The following MED27 variants were observed in gnomAD, a reference collection of about 807,000 sequenced individuals.
MED27 encodes mediator complex subunit 27, also known as mediator of RNA polymerase II transcription subunit 27.
MED27 carries 30 observed loss-of-function variants against 38.2 expected under a neutral mutation model. The ratio of observed to expected loss-of-function variants is 0.79; its 90% CI spans 0.59 to 1.07. MED27 has a LOEUF of 1.07. MED27 is among the 50% of genes least tolerant of loss of function. The probability of loss-of-function intolerance (pLI) is 0.00; values close to 1 mark genes in which losing one functional copy is unlikely to be tolerated. For missense variants in MED27, 289 were observed against 397.5 expected (o/e 0.73, Z 2.32); for synonymous variants, 122 against 153.5 (o/e 0.79, Z 1.52).
At chr9:131,894,808 G>A (rs1309679428) in intron 4 of MED27, among the ~76,000 whole-genome samples, 1 of 152,110 alleles carries the variant, frequency 6.6e-6, no homozygotes, top group Non-Finnish European at 1.5e-5. Flanking sequence ...CCCCAATGTG[G>A]TGTTGGGAGG....
At chr9:131,871,678 T>C (rs972073667) in intron 6 of MED27, among the ~76,000 whole-genome samples, 11 of 152,072 alleles carry the variant, frequency 7.2e-5, no homozygotes, top group Non-Finnish European at 8.8e-5. Flanking sequence ...GTCTCTCAAA[T>C]AGCTGGGACT....
At chr9:132,074,996 G>A (rs975319160) in intron 2 of MED27, among the ~76,000 whole-genome samples, 1 of 152,204 alleles carries the variant, frequency 6.6e-6, no homozygotes, top group Non-Finnish European at 1.5e-5. Context: ...GATTAGTGAT[G>A]TCTGCCCTAG....
chr9:132,003,499 C>A lies in MED27; in HGVS notation c.479+10838G>T, dbSNP rs1179768687. Among the ~76,000 whole-genome samples the A allele has an allele frequency of 6.6e-6, 1 of 152,188 alleles. No homozygotes were observed. The highest frequency in any genetic ancestry group is 2.1e-4 in the South Asian group (1 of 4,826). On this transcript the variant is annotated intron_variant, in intron 3 of 7. Transcript: ENST00000292035. The surrounding 1 kb of genome is among the most constrained non-coding windows in gnomAD (Gnocchi z 4.2). ...ACTAAGGGCCACAAGGGGCACGTGA[C>A]AGTTGGGCCTGAAGGGTTGGCTAGA... is the stretch of plus-strand genomic sequence containing the variant.
intron 3 of MED27, among the ~76,000 whole-genome samples, chr9:131,995,332 G>C (rs1220010830): frequency 6.6e-6 from 1 of 151,682 alleles, no homozygotes; most frequent in Admixed American, 6.6e-5. Flanking sequence ...TGAATAAAGT[G>C]GCCACAGTGA....
intron 2 of MED27, among the ~76,000 whole-genome samples, chr9:132,029,386 A>AT (rs746604747): frequency 2.0e-5 from 3 of 152,182 alleles, no homozygotes; most frequent in African/African-American, 7.2e-5. Context: ...GATTGGCAAC[A>AT]TTTTTTTGCC....
At position 131,862,839 on chromosome 9, in the gene MED27, C is replaced by T. The variant is rs59409441; in HGVS notation, c.801+224G>A. ...TTTGGAAGATCATTTCTGAAACCAC[C>T]GCTTTTTCAGCAAGTAGAGAAAGCA... On this transcript the variant is annotated intron_variant, in intron 7 of 7. Coordinates refer to ENST00000292035, the MANE Select transcript of MED27 (RefSeq NM_004269.4). This position sits in a 1 kb window ranked among gnomAD's most constrained non-coding sequence, Gnocchi z 4.6. Among the ~76,000 whole-genome samples, 3,223 of 152,282 alleles carry T rather than the reference C, an allele frequency of 0.021. 103 individuals are homozygous for T. Among genetic ancestry groups the T allele is most frequent in the African/African-American group, 0.074 (3,073 of 41,542 alleles).
intron 2 of MED27, among the ~76,000 whole-genome samples, chr9:132,057,859 C>G (rs186269651): frequency 6.6e-6 from 1 of 152,112 alleles, no homozygotes; most frequent in Admixed American, 6.5e-5. Flanking sequence ...GAGTGGAGCC[C>G]GGTGAAATGG....
intron 4 of MED27, among the ~76,000 whole-genome samples, chr9:131,900,638 GGGGCCAGATAGCATCCCCAA>G (rs1257665933): frequency 3.3e-5 from 5 of 152,038 alleles, no homozygotes; most frequent in African/African-American, 1.2e-4. Flanking sequence ...CGAGGAACCC[GGGGCCAGATAGCATCCCCAA>G]CCTGGCAGAA....
rs560490436 is a variant in MED27 at position 131,924,970 on chromosome 9, T to C, written c.573+14411A>G. On this transcript the variant is annotated intron_variant, in intron 4 of 7. Coordinates refer to ENST00000292035, the MANE Select transcript of MED27 (RefSeq NM_004269.4). The stretch of plus-strand genomic sequence containing the variant: ...GTTTCTTTCTCTAGGTGATATTTTC[T>C]TTGCTTGTTTATTTATTTAGGTCTA... 5.9e-5 allele frequency among the ~76,000 whole-genome samples: 9 copies of C among 152,348 alleles called. No individual in the cohort carries two copies. In the South Asian group the frequency reaches 1.9e-3, roughly 32 times the overall value.
At chr9:131,907,194 G>A (rs931917677) in intron 4 of MED27, among the ~76,000 whole-genome samples, 1 of 151,764 alleles carries the variant, frequency 6.6e-6, no homozygotes, top group Non-Finnish European at 1.5e-5. Context: ...AATGCCTAAC[G>A]TGCTCTCCCT....
intron 4 of MED27, among the ~76,000 whole-genome samples, chr9:131,900,264 G>C (rs1395588250): frequency 6.6e-6 from 1 of 152,248 alleles, no homozygotes; most frequent in Non-Finnish European, 1.5e-5. Flanking sequence ...GCAGCGAGCG[G>C]GGGCCGAAAC....
At chr9:131,941,737 G>A (rs1025484396) in intron 3 of MED27, among the ~76,000 whole-genome samples, 1 of 151,106 alleles carries the variant, frequency 6.6e-6, no homozygotes, top group Non-Finnish European at 1.5e-5. Context: ...GCACCATACC[G>A]TGAGGATATG....
At chr9:132,035,276 T>C (rs756832748) in intron 2 of MED27, among the ~76,000 whole-genome samples, 41 of 152,340 alleles carry the variant, frequency 2.7e-4, no homozygotes, top group Non-Finnish European at 4.7e-4. Flanking sequence ...ATTCATTCAA[T>C]AATGAATAAT....
At chr9:131,958,940 C>T (rs1490295815) in intron 3 of MED27, among the ~76,000 whole-genome samples, 2 of 152,188 alleles carry the variant, frequency 1.3e-5, no homozygotes, top group Non-Finnish European at 2.9e-5. Context: ...CCCTTTGGCT[C>T]TTTATTTGCC....
intron 4 of MED27, among the ~76,000 whole-genome samples, chr9:131,927,945 G>T (rs1830512020): frequency 6.6e-6 from 1 of 152,090 alleles, no homozygotes; most frequent in African/African-American, 2.4e-5. Context: ...AGCCAAAATG[G>T]GATCACCAAA....
At chr9:132,029,925 C>G (rs1379732777) in intron 2 of MED27, among the ~76,000 whole-genome samples, 1 of 152,032 alleles carries the variant, frequency 6.6e-6, no homozygotes, top group African/African-American at 2.4e-5. Flanking sequence ...TCAAGGTATA[C>G]AGGCTATGGT....
chr9:131,964,567 T>C (rs1237894402), intron 3 of MED27, among the ~76,000 whole-genome samples: 1 of 152,058 alleles, frequency 6.6e-6, no homozygotes, highest in Non-Finnish European at 1.5e-5. Context: ...GGACCACAAA[T>C]ACAAAACTGG....
chr9:131,875,688 A>T (rs193136736), intron 6 of MED27, among the ~76,000 whole-genome samples: 212 of 152,330 alleles, frequency 1.4e-3, no homozygotes, highest in African/African-American at 4.9e-3. Flanking sequence ...CTCATGGCTC[A>T]CTGCAGCCTT....
intron 3 of MED27, among the ~76,000 whole-genome samples, chr9:131,977,933 C>T (rs1343606357): frequency 1.3e-5 from 2 of 152,000 alleles, no homozygotes; most frequent in African/African-American, 2.4e-5. Flanking sequence ...ATAGATGAAC[C>T]GGGAAGATGG....
Sources: gnomAD v4.1 joint callset for allele counts (sites outside exome capture counted in the v4.1 genomes callset) on GRCh38, gnomAD v4.1.1 for gene constraint, Gnocchi (gnomAD v3.1) non-coding constraint, MANE v1.5 for transcripts, NCBI Gene and HGNC (gene_info 2026-07-23, HGNC 2026-07-21) for gene names.